The following CCDC40 variants were observed in gnomAD, a reference collection of about 807,000 sequenced individuals.
CCDC40 encodes the protein coiled-coil domain 40 molecular ruler complex subunit.
A neutral mutation model predicts 124.5 loss-of-function variants in CCDC40; 104 were observed. That is an observed-to-expected ratio of 0.84 (90% confidence interval 0.71 to 0.98). The LOEUF (loss-of-function observed/expected upper bound fraction) is 0.98. CCDC40 is among the 50% of genes least tolerant of loss of function. The pLI is 0.00. For synonymous variants in CCDC40, 580 were observed against 602.9 expected, an observed-to-expected ratio of 0.96 and a Z score of 0.56; for missense variants, 1,463 against 1,503.9, an observed-to-expected ratio of 0.97 and a Z score of 0.45.
chr17:80,048,931 C>T (rs1237419557), intron 5 of CCDC40, among the ~76,000 whole-genome samples, 170 bp downstream of exon 5: 1 of 152,194 alleles, frequency 6.6e-6, no homozygotes, highest in Non-Finnish European at 1.5e-5. Flanking sequence ...TCGTAGGGTA[C>T]TCTCCTCTGA....
At position 80,050,190 on chromosome 17, in the gene CCDC40, T is replaced by C; in HGVS notation, c.1066T>C (p.Ser356Pro). 6.2e-7 allele frequency: 1 copy of C among 1,612,296 alleles called. No homozygotes were observed. Among genetic ancestry groups the C allele is most frequent in the Non-Finnish European group, 8.5e-7 (1 of 1,179,760 alleles). Residue 356 changes from serine (S) to proline (P), a missense_variant, in exon 7 of 20, where the codon TCG (serine) becomes CCG (proline). By Grantham distance (74) the Ser-to-Pro change is moderately conservative. Coordinates refer to ENST00000397545, the MANE Select transcript of CCDC40 (RefSeq NM_017950.4). ...EKSHDRHAMA[S>P]SERRQKEEEL... The stretch of plus-strand genomic sequence containing the variant: ...GAGTCACGACCGCCACGCAATGGCC[T>C]CGAGCGAGCGCAGGCAGAAGGAGGA...
intron 12 of CCDC40, among the ~76,000 whole-genome samples, chr17:80,082,351 C>T (rs1462431478): frequency 6.7e-6 from 1 of 150,290 alleles, no homozygotes; most frequent in African/African-American, 2.5e-5. Flanking sequence ...CAATTGTGAG[C>T]TCATGTTCGC....
At chr17:80,081,427 A>C in intron 10 of CCDC40, 119 bp from the exon 11 acceptor site, 1 of 722,516 alleles carries the variant, frequency 1.4e-6, no homozygotes, top group Non-Finnish European at 2.2e-6. Flanking sequence ...TTGGCTTCCT[A>C]ATTTATTTCT....
intron 17 of CCDC40, chr17:80,090,571 C>A: frequency 6.7e-7 from 1 of 1,500,766 alleles, no homozygotes; most frequent in South Asian, 1.3e-5. Context: ...GGTTGTAACC[C>A]TCAAACTTTG....
chr17:80,065,756 C>G (rs967465918), intron 10 of CCDC40, 150 bp downstream of exon 10: 12 of 1,069,394 alleles, frequency 1.1e-5, no homozygotes, highest in African/African-American at 3.2e-5. Context: ...CCGGAAAGCT[C>G]CCTCATTGTT....
chr17:80,047,065 C>T (rs1324862034), intron 3 of CCDC40, among the ~76,000 whole-genome samples: 1 of 152,166 alleles, frequency 6.6e-6, no homozygotes, highest in Non-Finnish European at 1.5e-5. Flanking sequence ...AGGCTGGTCT[C>T]GAACTCCTGG....
intron 10 of CCDC40, chr17:80,067,733 A>G: frequency 1.3e-6 from 2 of 1,519,766 alleles, no homozygotes; most frequent in Non-Finnish European, 1.8e-6. Flanking sequence ...TCAAGCCCGG[A>G]ATGTCTGGGT....
intron 17 of CCDC40, chr17:80,090,192 GACGCACGCAGGC>G (rs765146289): frequency 9.7e-7 from 1 of 1,035,670 alleles, no homozygotes; most frequent in African/African-American, 1.6e-5. Context: ...AACAACACGG[GACGCACGCAGGC>G]ACGTGCACGA....
At chr17:80,069,218 C>T (rs1219563056) in intron 10 of CCDC40, among the ~76,000 whole-genome samples, 2 of 152,142 alleles carry the variant, frequency 1.3e-5, no homozygotes, top group Non-Finnish European at 1.5e-5. Context: ...GCTTTGAAGA[C>T]AGACTGACTT....
At chr17:80,049,848 T>C in intron 5 of CCDC40, 58 bp from the exon 6 acceptor site, 1 of 1,487,112 alleles carries the variant, frequency 6.7e-7, no homozygotes, top group Non-Finnish European at 9.4e-7. Context: ...GGCTGAGCCC[T>C]GGGTCGGGCA....
In CCDC40 at chr17:80,095,371, A is replaced by G. The variant is rs2038789816; in HGVS notation, c.2941A>G (p.Met981Val). The G allele has an allele frequency of 6.2e-7, 1 of 1,614,090 alleles. No homozygotes were observed. The highest frequency in any genetic ancestry group is 8.5e-7 in the Non-Finnish European group (1 of 1,180,034). ...VTTQAEGQRK[M>V]DRKALTRTDF... is the part of the protein sequence containing the mutation. ...CACCCAGGCCGAGGGGCAGCGCAAG[A>G]TGGACAGGAAGGCGCTCACCCGCAC... The change falls in exon 18 of 20, where the codon ATG (methionine) becomes GTG (valine). Residue 981 changes from methionine (M) to valine (V), a missense_variant. Coordinates refer to ENST00000397545, the MANE Select transcript of CCDC40 (RefSeq NM_017950.4).
In CCDC40 at chr17:80,058,729, C is replaced by A. The variant is rs1005522410; in HGVS notation, c.1317+78C>A. 1.8e-5 allele frequency: 29 copies of A among 1,600,780 alleles called. No individual in the cohort carries two copies. In the African/African-American group the frequency reaches 3.6e-4, roughly 20 times the overall value. On this transcript the variant is annotated intron_variant, in intron 8 of 19. Coordinates refer to ENST00000397545, the MANE Select transcript of CCDC40 (RefSeq NM_017950.4). This position sits in a 1 kb window ranked among gnomAD's most constrained non-coding sequence, Gnocchi z 4.2. Reference sequence around the variant, plus strand: ...AAAAGGGGCTCAGCTTTGCCTCCTGCGTGAAGGCTTCCGGCCGGAGGGGTG... The same window carrying A: ...AAAAGGGGCTCAGCTTTGCCTCCTGAGTGAAGGCTTCCGGCCGGAGGGGTG...
intron 3 of CCDC40, among the ~76,000 whole-genome samples, chr17:80,040,800 A>C (rs2037259219): frequency 6.6e-6 from 1 of 152,236 alleles, no homozygotes; most frequent in East Asian, 1.9e-4. Flanking sequence ...GGGGGCCTCC[A>C]TAGCCGCCAT....
chr17:80,036,920 C>T (rs1490032152), intron 1 of CCDC40, among the ~76,000 whole-genome samples: 1 of 152,136 alleles, frequency 6.6e-6, no homozygotes, highest in African/African-American at 2.4e-5. Context: ...TCCCTTTGTC[C>T]TCTCTCGGCC....
intron 10 of CCDC40, 69 bp from the exon 11 acceptor site, chr17:80,081,477 G>T (rs887646328): frequency 1.2e-6 from 2 of 1,603,664 alleles, no homozygotes; most frequent in African/African-American, 2.7e-5. Context: ...CCTCGTGTGG[G>T]GCGCAGCTCT....
intron 16 of CCDC40, chr17:80,088,513 A>C: frequency 6.7e-6 from 2 of 299,190 alleles, no homozygotes; most frequent in Non-Finnish European, 1.3e-5. Flanking sequence ...CAGCCTCCCA[A>C]AGCGCTGGGA....
Position 80,087,305 on chromosome 17 carries a change from C to T in CCDC40, c.2450-302C>T. 2.2e-6 allele frequency: 1 copy of T among 464,634 alleles called. No homozygotes were observed. The highest frequency in any genetic ancestry group is 2.1e-5 in the South Asian group (1 of 46,928). The allele number at this position is 464,634 out of a possible 1,614,324, so 28.8% of individuals were successfully genotyped here. On this transcript the variant is annotated intron_variant, in intron 14 of 19. Transcript: ENST00000397545. The surrounding 1 kb of genome is among the most constrained non-coding windows in gnomAD (Gnocchi z 4.5). Reference sequence around the variant, plus strand: ...ATTTGCAAGTGTCTGGGGGAGGGAGCCTGGCCCTCCCACACGCCCTGCCCA... The same window carrying T: ...ATTTGCAAGTGTCTGGGGGAGGGAGTCTGGCCCTCCCACACGCCCTGCCCA...
At chr17:80,065,319 C>G (rs2038014161) in intron 9 of CCDC40, among the ~76,000 whole-genome samples, 166 bp from the exon 10 acceptor site, 1 of 149,268 alleles carries the variant, frequency 6.7e-6, no homozygotes, top group Non-Finnish European at 1.5e-5. Flanking sequence ...ATCTTGAAAG[C>G]TACATTCAGG....
At chr17:80,054,602 T>G (rs757210908) in intron 7 of CCDC40, among the ~76,000 whole-genome samples, 4 of 152,176 alleles carry the variant, frequency 2.6e-5, no homozygotes, top group Non-Finnish European at 4.4e-5. Flanking sequence ...CAAAAATAAG[T>G]AGGATTTACT....
Sources: gnomAD v4.1 joint callset for allele counts (sites outside exome capture counted in the v4.1 genomes callset) on GRCh38, gnomAD v4.1.1 for gene constraint, Gnocchi (gnomAD v3.1) non-coding constraint, MANE v1.5 for transcripts, NCBI Gene and HGNC (gene_info 2026-07-23, HGNC 2026-07-21) for gene names.